Variants in ELMO1 observed in about 807,000 individuals in gnomAD.
The protein encoded by ELMO1 is engulfment and cell motility 1.
A neutral mutation model predicts 98.9 loss-of-function variants in ELMO1; 26 were observed. That is an observed-to-expected ratio of 0.26 (90% CI 0.19 to 0.36). ELMO1 has a LOEUF of 0.36. Ranked by LOEUF, ELMO1 falls within the 10% of genes least tolerant of loss-of-function variation. ELMO1 has a pLI of 1.00. For synonymous variants in ELMO1, 346 were observed against 346.0 expected, an observed-to-expected ratio of 1.00 and a Z score of 0.00; for missense variants, 627 against 935.2, an observed-to-expected ratio of 0.67 and a Z score of 4.30.
intron 8 of ELMO1, among the ~76,000 whole-genome samples, chr7:37,228,535 C>G (rs1420856292): frequency 6.6e-6 from 1 of 152,202 alleles, no homozygotes; most frequent in African/African-American, 2.4e-5. Context: ...ATTATACACA[C>G]TAGCTCCTTG....
rs562186089 is a variant in ELMO1, at chr7:37,345,030, A to C, written c.-73-2267T>G. The stretch of plus-strand genomic sequence containing the variant: ...AGAGTTAATAATGGAAGCCTCAACA[A>C]CACCAGCAGTTATATAAATAACTAA... On this transcript the variant is annotated intron_variant, in intron 1 of 21. Coordinates refer to ENST00000310758, the MANE Select transcript of ELMO1 (RefSeq NM_014800.11). 7.2e-5 allele frequency among the ~76,000 whole-genome samples: 11 copies of C among 152,366 alleles called. No individual in the cohort carries two copies. In the South Asian group the frequency reaches 1.0e-3, roughly 14 times the overall value.
intron 5 of ELMO1, chr7:37,270,125 A>G (rs1387606565): frequency 6.6e-6 from 1 of 152,230 alleles, no homozygotes; most frequent in Non-Finnish European, 1.5e-5. Context: ...ACTACAAAAA[A>G]CACATAAAAC....
intron 15 of ELMO1, among the ~76,000 whole-genome samples, chr7:37,017,835 T>C (rs1039450446): frequency 6.6e-6 from 1 of 152,066 alleles, no homozygotes; most frequent in Non-Finnish European, 1.5e-5. Flanking sequence ...AGCAAGCACA[T>C]TGACAATAGC....
At chr7:37,200,721 C>T (rs1055269469) in intron 13 of ELMO1, among the ~76,000 whole-genome samples, 5 of 152,046 alleles carry the variant, frequency 3.3e-5, no homozygotes, top group Non-Finnish European at 7.4e-5. Flanking sequence ...ATCCAAGCAC[C>T]TTGGGAGGCC....
chr7:36,879,741 G>C (rs1804269574), intron 18 of ELMO1, among the ~76,000 whole-genome samples: 1 of 152,176 alleles, frequency 6.6e-6, no homozygotes, highest in Non-Finnish European at 1.5e-5. Context: ...GGAAAAAATT[G>C]AGTGGGAAAA....
At chr7:37,222,513 G>A (rs903541490) in intron 10 of ELMO1, 102 bp downstream of exon 10, 1 of 1,142,486 alleles carries the variant, frequency 8.8e-7, no homozygotes, top group Non-Finnish European at 1.3e-6. Context: ...GGCCAGGATA[G>A]CAGAGAGGCC....
intron 1 of ELMO1, among the ~76,000 whole-genome samples, chr7:37,431,810 T>C (rs966302792): frequency 6.6e-6 from 1 of 152,080 alleles, no homozygotes; most frequent in African/African-American, 2.4e-5. Flanking sequence ...AAAACATCAC[T>C]GTGGCCTCAG....
At chr7:37,234,495 C>A (rs553908947) in intron 7 of ELMO1, among the ~76,000 whole-genome samples, 1 of 152,256 alleles carries the variant, frequency 6.6e-6, no homozygotes, top group Admixed American at 6.5e-5. Flanking sequence ...AAGTGGTTCT[C>A]AGGGAAAGAC....
chr7:37,163,166 C>A (rs890342295), intron 13 of ELMO1, among the ~76,000 whole-genome samples: 2 of 152,132 alleles, frequency 1.3e-5, no homozygotes, highest in Non-Finnish European at 2.9e-5. Context: ...TGCTTTTCCT[C>A]TTTTCAATTA....
At chr7:37,114,432 G>C (rs1188643476) in intron 14 of ELMO1, among the ~76,000 whole-genome samples, 1 of 152,112 alleles carries the variant, frequency 6.6e-6, no homozygotes, top group Non-Finnish European at 1.5e-5. Context: ...AATTTGCTGG[G>C]GTTAGTTTGT....
At chr7:37,436,440 G>A (rs974498066) in intron 1 of ELMO1, among the ~76,000 whole-genome samples, 1 of 152,228 alleles carries the variant, frequency 6.6e-6, no homozygotes, top group Non-Finnish European at 1.5e-5. Context: ...CATGACTATA[G>A]TAATGGAAGT....
chr7:36,887,531 C>G (rs1805133316), intron 18 of ELMO1, 29 bp downstream of exon 18: 9 of 1,608,122 alleles, frequency 5.6e-6, no homozygotes, highest in Non-Finnish European at 7.7e-6. Flanking sequence ...TTACCCTATC[C>G]AAGTTTGGAG....
intron 4 of ELMO1, among the ~76,000 whole-genome samples, chr7:37,273,069 T>C (rs1217039200): frequency 2.6e-5 from 4 of 152,240 alleles, no homozygotes; most frequent in Non-Finnish European, 4.4e-5. Flanking sequence ...TTAAGGAGTT[T>C]GGTTTCTTAA....
intron 13 of ELMO1, among the ~76,000 whole-genome samples, chr7:37,155,187 T>A (rs956581659): frequency 1.3e-5 from 2 of 152,170 alleles, no homozygotes; most frequent in Non-Finnish European, 2.9e-5. Flanking sequence ...ACAACTGATA[T>A]GAGCCACTGC....
chr7:37,424,943 C>T (rs748035967), intron 1 of ELMO1, among the ~76,000 whole-genome samples: 22 of 151,852 alleles, frequency 1.4e-4, no homozygotes, highest in Admixed American at 4.6e-4. Flanking sequence ...GCTTATTCAA[C>T]GAATATTTAT....
chr7:36,870,295 C>T lies in ELMO1; in HGVS notation c.1905+98G>A. The stretch of plus-strand genomic sequence containing the variant: ...TAAGAGATGTGTGTCTGAACACACG[C>T]ACACACACGAACACTGCTATAAAGG... On this transcript the variant is annotated intron_variant, in intron 20 of 21. Transcript: ENST00000310758. The surrounding 1 kb of genome is among the most constrained non-coding windows in gnomAD (Gnocchi z 4.4). The T allele has an allele frequency of 1.0e-6, 1 of 994,838 alleles. No individual in the cohort carries two copies. The highest frequency in any genetic ancestry group is 1.9e-5 in the Admixed American group (1 of 52,282). 61.6% of individuals were successfully genotyped at this position (994,838 alleles called of 1,614,324 possible).
At chr7:37,086,330 C>G (rs1783769161) in intron 15 of ELMO1, among the ~76,000 whole-genome samples, 1 of 143,082 alleles carries the variant, frequency 7.0e-6, no homozygotes, top group South Asian at 2.3e-4. Flanking sequence ...CAATACATGA[C>G]TGTGTGTGTG....
intron 20 of ELMO1, among the ~76,000 whole-genome samples, chr7:36,867,162 GGCGTAC>G (rs1244494575): frequency 6.6e-6 from 1 of 152,022 alleles, no homozygotes; most frequent in African/African-American, 2.4e-5. Flanking sequence ...TGTTTACAGT[GGCGTAC>G]TCCATCCATC....
chr7:37,390,966 T>C (rs920862372), intron 1 of ELMO1, among the ~76,000 whole-genome samples: 7 of 152,172 alleles, frequency 4.6e-5, no homozygotes, highest in Admixed American at 3.9e-4. Context: ...GGTTCAATGT[T>C]CACATCAAGC....
Sources: gnomAD v4.1 joint callset for allele counts (sites outside exome capture counted in the v4.1 genomes callset) on GRCh38, gnomAD v4.1.1 for gene constraint, Gnocchi (gnomAD v3.1) non-coding constraint, MANE v1.5 for transcripts, NCBI Gene and HGNC (gene_info 2026-07-23, HGNC 2026-07-21) for gene names.